Variants in ARG2 observed in about 807,000 individuals in gnomAD.
ARG2 encodes arginase-2, mitochondrial.
Under a neutral mutation model 39.4 loss-of-function variants are expected in ARG2, and 21 were observed. The observed-to-expected ratio is 0.53, with a 90% CI of 0.38 to 0.77. The LOEUF (loss-of-function observed/expected upper bound fraction) is 0.77, where lower values mean the gene tolerates loss of function less well. ARG2 is among the 30% of genes least tolerant of loss of function. The pLI, the probability that ARG2 is intolerant of heterozygous loss-of-function variation, is 0.00. For synonymous variants in ARG2, 150 were observed against 156.7 expected, an observed-to-expected ratio of 0.96 and a Z score of 0.32; for missense variants, 378 against 426.2, an observed-to-expected ratio of 0.89 and a Z score of 1.00.
At chr14:67,624,867 A>C (rs2036846640) in intron 2 of ARG2, among the ~76,000 whole-genome samples, 1 of 152,232 alleles carries the variant, frequency 6.6e-6, no homozygotes, top group African/African-American at 2.4e-5. Context: ...AACATTAAGA[A>C]TTGTGGCATT....
intron 2 of ARG2, among the ~76,000 whole-genome samples, chr14:67,629,809 C>T (rs1052802978): frequency 2.6e-5 from 4 of 152,118 alleles, no homozygotes; most frequent in Non-Finnish European, 5.9e-5. Context: ...CAAGGACTTG[C>T]GTTAGTGAAG....
At chr14:67,637,257 A>G (rs2036981385) in intron 2 of ARG2, among the ~76,000 whole-genome samples, 1 of 151,794 alleles carries the variant, frequency 6.6e-6, no homozygotes. Context: ...TAAAACTACA[A>G]AAATTAGCTG....
At chr14:67,631,415 G>GTAAATCCT (rs2036916533) in intron 2 of ARG2, among the ~76,000 whole-genome samples, 1 of 147,400 alleles carries the variant, frequency 6.8e-6, no homozygotes, top group African/African-American at 2.5e-5. Flanking sequence ...AATTCCTCTA[G>GTAAATCCT]TAAATCCTTT....
At chr14:67,643,883 G>T (rs12897171) in intron 3 of ARG2, among the ~76,000 whole-genome samples, 18,367 of 85,710 alleles carry the variant, frequency 0.21, 1,540 homozygotes, top group South Asian at 0.45. Flanking sequence ...AAAAAAAAAA[G>T]ACTCAGGTTG....
intron 7 of ARG2, chr14:67,648,752 T>C (rs566424339): frequency 6.6e-6 from 1 of 152,352 alleles, no homozygotes; most frequent in Admixed American, 6.5e-5. Context: ...TGGCTACTTT[T>C]CCAAAACTCA....
chr14:67,636,318 A>G (rs140191034), intron 2 of ARG2, among the ~76,000 whole-genome samples: 1 of 152,222 alleles, frequency 6.6e-6, no homozygotes, highest in Non-Finnish European at 1.5e-5. Context: ...GTAATCATAT[A>G]TGAGCTCTAA....
intron 2 of ARG2, among the ~76,000 whole-genome samples, chr14:67,639,839 T>C (rs1431362678): frequency 6.7e-6 from 1 of 150,242 alleles, no homozygotes; most frequent in Non-Finnish European, 1.5e-5. Context: ...GTAGGAGAAT[T>C]GCTTGAATCC....
chr14:67,650,701 C>G lies in ARG2; in HGVS notation c.860-14C>G. 6.2e-7 allele frequency: 1 copy of G among 1,612,900 alleles called. No individual in the cohort carries two copies. The highest frequency in any genetic ancestry group is 8.5e-7 in the Non-Finnish European group (1 of 1,179,692). On this transcript the variant is annotated splice_polypyrimidine_tract_variant and intron_variant, in intron 7 of 7. Coordinates refer to ENST00000261783, the MANE Select transcript of ARG2 (RefSeq NM_001172.4). ...CAAGGGAACCTGAGGTTTTGTCACA[C>G]TTTGTTCTTCCAGGGTTGCTATCAG... is the stretch of plus-strand genomic sequence containing the variant.
chr14:67,643,361 G>A (rs2037057558), intron 3 of ARG2, among the ~76,000 whole-genome samples: 1 of 152,208 alleles, frequency 6.6e-6, no homozygotes, highest in African/African-American at 2.4e-5. Flanking sequence ...GATTTCACAA[G>A]GGAATGTGAT....
chr14:67,635,112 C>T (rs559537441), intron 2 of ARG2, among the ~76,000 whole-genome samples: 60 of 152,118 alleles, frequency 3.9e-4, no homozygotes, highest in African/African-American at 1.2e-3. Flanking sequence ...GGTATGGTGG[C>T]GCATGCCTGT....
chr14:67,634,098 T>C (rs2036945819), intron 2 of ARG2, among the ~76,000 whole-genome samples: 1 of 152,074 alleles, frequency 6.6e-6, no homozygotes, highest in East Asian at 1.9e-4. Flanking sequence ...ATACTTTTGT[T>C]GAAGGAAAAA....
chr14:67,620,794 C>T, intron 1 of ARG2, 100 bp from the exon 2 acceptor site: 1 of 1,152,458 alleles, frequency 8.7e-7, no homozygotes, highest in South Asian at 1.3e-5. Context: ...CTGATGCTGT[C>T]ACAGGTTTTC....
chr14:67,632,075 G>A (rs2036924431), intron 2 of ARG2, among the ~76,000 whole-genome samples: 9 of 151,740 alleles, frequency 5.9e-5, no homozygotes, highest in Admixed American at 5.9e-4. Context: ...TTTTAGAGAT[G>A]AGGTCTCACT....
At chr14:67,649,169 G>A (rs2037139690) in intron 7 of ARG2, 1 of 152,138 alleles carries the variant, frequency 6.6e-6, no homozygotes, top group Non-Finnish European at 1.5e-5. Context: ...ATAACCTCTA[G>A]CACTTATATA....
intron 2 of ARG2, among the ~76,000 whole-genome samples, chr14:67,630,788 C>T (rs550809110): frequency 6.6e-6 from 1 of 152,212 alleles, no homozygotes; most frequent in Admixed American, 6.5e-5. Flanking sequence ...CCATCTTGGC[C>T]AGGCTGGTCT....
At chr14:67,644,695 C>T (rs1317790524) in intron 3 of ARG2, among the ~76,000 whole-genome samples, 6 of 152,136 alleles carry the variant, frequency 3.9e-5, no homozygotes, top group African/African-American at 7.2e-5. Flanking sequence ...AACAGAAATA[C>T]ACTTTAAGAT....
chr14:67,634,387 G>A (rs2140742199), intron 2 of ARG2, among the ~76,000 whole-genome samples: 1 of 148,498 alleles, frequency 6.7e-6, no homozygotes, highest in African/African-American at 2.5e-5. Context: ...AAGCCCAGGA[G>A]TTCAAGACCA....
In ARG2 at chr14:67,642,331, C is replaced by T; in HGVS notation, c.330C>T (p.Gly110=). 1 of 1,614,048 alleles carries T rather than the reference C, an allele frequency of 6.2e-7. No homozygotes were observed. Among genetic ancestry groups the T allele is most frequent in the African/African-American group, 1.3e-5 (1 of 75,044 alleles). ...TGGTTAGCAGAGCTGTGTCAGATGG[C>T]TACAGCTGTGTCACACTGGGAGGAG... The part of the protein sequence containing the change: ...AEVVSRAVSD[G]YSCVTLGGDH... The change falls in exon 3 of 8, where the codon GGC becomes GGT. Residue 110 remains glycine (G), a synonymous_variant. Coordinates refer to ENST00000261783, the MANE Select transcript of ARG2 (RefSeq NM_001172.4).
In ARG2 at chr14:67,631,421, CCTTT is replaced by C. The variant is rs1218191328; in HGVS notation, c.184+10468_184+10471del. Among the ~76,000 whole-genome samples, 1,393 of 140,830 alleles carry C rather than the reference CCTTT, an allele frequency of 9.9e-3. 16 individuals carry two copies. The highest frequency in any genetic ancestry group is 0.026 in the Middle Eastern group (7 of 270). The allele number at this position is 140,830 out of a possible 152,430, so 92.4% of individuals were successfully genotyped here. On this transcript the variant is annotated intron_variant, in intron 2 of 7. Transcript: ENST00000261783. Reference sequence around the variant, plus strand: ...AACTCTTCAAATTCCTCTAGTAAATCCTTTCTTTCTTTCTTTTTTTTTTTTTTTT... The same window carrying C: ...AACTCTTCAAATTCCTCTAGTAAATCCTTTCTTTCTTTTTTTTTTTTTTTT...
Sources: gnomAD v4.1 joint callset for allele counts (sites outside exome capture counted in the v4.1 genomes callset) on GRCh38, gnomAD v4.1.1 for gene constraint, MANE v1.5 for transcripts, NCBI Gene and HGNC (gene_info 2026-07-23, HGNC 2026-07-21) for gene names.